PRDM16: variants seen among roughly 807,000 people sequenced by gnomAD.
PRDM16 encodes the protein PR/SET domain 16.
Under a neutral mutation model 110.6 loss-of-function variants are expected in PRDM16, and 23 were observed. The observed-to-expected ratio is 0.21, with a 90% CI of 0.15 to 0.29. The LOEUF (loss-of-function observed/expected upper bound fraction) is 0.29, where lower values mean the gene tolerates loss of function less well. Among genes scored for constraint, PRDM16 ranks in the 10% least tolerant of loss-of-function variants. The pLI, the probability that PRDM16 is intolerant of heterozygous loss-of-function variation, is 1.00. For synonymous variants in PRDM16, 799 were observed against 781.8 expected (o/e 1.02, Z -0.37); for missense variants, 1,615 against 1,794.3 (o/e 0.90, Z 1.81).
intron 1 of PRDM16, among the ~76,000 whole-genome samples, chr1:3,165,279 T>G (rs1359605272): frequency 7.2e-6 from 1 of 137,940 alleles, no homozygotes; most frequent in Non-Finnish European, 1.6e-5. Flanking sequence ...GCACTTGGCC[T>G]TAGGGGCATG....
intron 2 of PRDM16, among the ~76,000 whole-genome samples, chr1:3,212,034 C>G (rs1180355176): frequency 6.6e-6 from 1 of 152,210 alleles, no homozygotes; most frequent in East Asian, 1.9e-4. Context: ...CTCGCGTCGT[C>G]TTTGGGCCGT....
intron 1 of PRDM16, among the ~76,000 whole-genome samples, chr1:3,099,934 C>T (rs767531224): frequency 6.6e-5 from 10 of 152,134 alleles, no homozygotes; most frequent in Non-Finnish European, 8.8e-5. Flanking sequence ...GGCCAGAAAT[C>T]GGGGGTCGGT....
chr1:3,099,964 C>T (rs932941463), intron 1 of PRDM16, among the ~76,000 whole-genome samples: 2 of 152,150 alleles, frequency 1.3e-5, no homozygotes, highest in African/African-American at 4.8e-5. Flanking sequence ...GGGCTGCCCC[C>T]AGGAGGCACC....
At chr1:3,072,853 C>T (rs568121051) in intron 1 of PRDM16, among the ~76,000 whole-genome samples, 6 of 152,380 alleles carry the variant, frequency 3.9e-5, no homozygotes, top group South Asian at 2.1e-4. Context: ...TGGTGCCCCA[C>T]GGCAGTGGAC....
At chr1:3,204,107 G>A (rs966680722) in intron 2 of PRDM16, among the ~76,000 whole-genome samples, 3 of 152,192 alleles carry the variant, frequency 2.0e-5, no homozygotes, top group Non-Finnish European at 2.9e-5. Context: ...GCCAACCCAC[G>A]TCTTAACAGT....
At chr1:3,266,669 A>ATTTT (rs1640301812) in intron 3 of PRDM16, among the ~76,000 whole-genome samples, 1 of 152,010 alleles carries the variant, frequency 6.6e-6, no homozygotes, top group African/African-American at 2.4e-5. Flanking sequence ...CATGCATTTT[A>ATTTT]TTTTTATTTA....
intron 1 of PRDM16, among the ~76,000 whole-genome samples, chr1:3,154,305 G>A (rs1643826287): frequency 1.3e-5 from 2 of 152,192 alleles, no homozygotes; most frequent in Admixed American, 6.5e-5. Context: ...GCAGGGGGAC[G>A]CTTTTGAGGG....
chr1:3,262,861 G>A (rs1640192774), intron 3 of PRDM16, among the ~76,000 whole-genome samples: 1 of 152,184 alleles, frequency 6.6e-6, no homozygotes, highest in Non-Finnish European at 1.5e-5. Context: ...ACACGAGGGT[G>A]TGCGCGCATG....
At chr1:3,248,964 C>T (rs1639860686) in intron 3 of PRDM16, among the ~76,000 whole-genome samples, 1 of 152,182 alleles carries the variant, frequency 6.6e-6, no homozygotes. Flanking sequence ...GACAGACAGG[C>T]AACTGCTAAG....
chr1:3,417,506 T>G (rs931308354), intron 10 of PRDM16, among the ~76,000 whole-genome samples: 9 of 152,230 alleles, frequency 5.9e-5, no homozygotes, highest in African/African-American at 1.9e-4. Context: ...GGGGTAATCA[T>G]AAACATCAGC....
At chr1:3,284,451 A>C (rs938417109) in intron 3 of PRDM16, among the ~76,000 whole-genome samples, 4 of 152,134 alleles carry the variant, frequency 2.6e-5, no homozygotes, top group Non-Finnish European at 4.4e-5. Flanking sequence ...GCGTGGCCAA[A>C]ATGATGAGTT....
At chr1:3,289,608 G>A (rs896439555) in intron 3 of PRDM16, among the ~76,000 whole-genome samples, 5 of 152,176 alleles carry the variant, frequency 3.3e-5, no homozygotes, top group South Asian at 4.1e-4. Flanking sequence ...CAAGGCCTGC[G>A]GGCAGGTCAG....
At chr1:3,215,244 C>T (rs942564095) in intron 2 of PRDM16, among the ~76,000 whole-genome samples, 4 of 150,066 alleles carry the variant, frequency 2.7e-5, no homozygotes, top group African/African-American at 1.0e-4. Context: ...GATCAGATGG[C>T]ACAGAACAGA....
At chr1:3,408,954 T>C (rs1292616943) in intron 8 of PRDM16, among the ~76,000 whole-genome samples, 1 of 131,470 alleles carries the variant, frequency 7.6e-6, no homozygotes, top group Admixed American at 7.6e-5. Flanking sequence ...GTGAGGGGCG[T>C]GTGAGCCAGT....
intron 1 of PRDM16, among the ~76,000 whole-genome samples, chr1:3,184,381 A>ACTGT (rs1644244239): frequency 6.6e-6 from 1 of 151,304 alleles, no homozygotes; most frequent in Admixed American, 6.6e-5. Context: ...TCCGCAGCCA[A>ACTGT]CGACAGGGTG....
chr1:3,289,313 T>G (rs758180268), intron 3 of PRDM16, among the ~76,000 whole-genome samples: 8 of 152,184 alleles, frequency 5.3e-5, no homozygotes, highest in Non-Finnish European at 1.2e-4. Flanking sequence ...GGGGTCAGCT[T>G]GGAAATCTGC....
At chr1:3,287,303 C>T (rs1443300475) in intron 3 of PRDM16, among the ~76,000 whole-genome samples, 6 of 140,830 alleles carry the variant, frequency 4.3e-5, no homozygotes, top group Non-Finnish European at 7.7e-5. Flanking sequence ...TTGCATTTAC[C>T]GGGGCTGGAG....
At chr1:3,131,949 T>C (rs1282304046) in intron 1 of PRDM16, among the ~76,000 whole-genome samples, 2 of 152,250 alleles carry the variant, frequency 1.3e-5, no homozygotes, top group Non-Finnish European at 2.9e-5. Context: ...GTCCGTTTAA[T>C]ATGTAAACAA....
chr1:3,271,103 C>T (rs955757232), intron 3 of PRDM16, among the ~76,000 whole-genome samples: 1 of 152,168 alleles, frequency 6.6e-6, no homozygotes, highest in Non-Finnish European at 1.5e-5. Context: ...AGGGGATATG[C>T]GGTGGGAGGA....
Sources: gnomAD v4.1 joint callset for allele counts (sites outside exome capture counted in the v4.1 genomes callset) on GRCh38, gnomAD v4.1.1 for gene constraint, MANE v1.5 for transcripts, NCBI Gene and HGNC (gene_info 2026-07-23, HGNC 2026-07-21) for gene names.